The following BRCA1 variants were observed in gnomAD, a reference collection of about 807,000 sequenced individuals.
BRCA1 encodes the protein breast cancer type 1 susceptibility protein.
BRCA1 carries 140 observed loss-of-function variants against 173.7 expected under a neutral mutation model. That is an observed-to-expected ratio of 0.81 (90% CI 0.70 to 0.93). The LOEUF is 0.93. BRCA1 is among the 40% of genes least tolerant of loss of function. BRCA1 has a pLI of 0.00. For missense variants in BRCA1, 1,983 were observed against 2,172.5 expected (o/e 0.91, Z 1.73); for synonymous variants, 662 against 756.0 (o/e 0.88, Z 2.04).
intron 3 of BRCA1, chr17:43,110,439 A>G: frequency 3.3e-6 from 1 of 306,246 alleles, no homozygotes; most frequent in African/African-American, 2.2e-5. Context: ...CACAAAATTT[A>G]GCTGGATATG....
At chr17:43,082,607 G>A (rs778572131) in intron 11 of BRCA1, 32 bp from the exon 12 acceptor site, 1 of 1,608,196 alleles carries the variant, frequency 6.2e-7, no homozygotes, top group Non-Finnish European at 8.5e-7. Flanking sequence ...CCAAGAAAAT[G>A]AAATACTTTG....
chr17:43,083,827 A>C (rs2053122451), intron 11 of BRCA1, among the ~76,000 whole-genome samples: 1 of 152,188 alleles, frequency 6.6e-6, no homozygotes, highest in African/African-American at 2.4e-5. Context: ...TTAGGTATGT[A>C]AGGAGTTTTC....
At chr17:43,115,296 G>A (rs1038941145) in intron 3 of BRCA1, among the ~76,000 whole-genome samples, 1 of 152,164 alleles carries the variant, frequency 6.6e-6, no homozygotes, top group Non-Finnish European at 1.5e-5. Flanking sequence ...AAGGTCAGGA[G>A]TTCGAGACCA....
intron 15 of BRCA1, among the ~76,000 whole-genome samples, chr17:43,069,312 G>A (rs573626625): frequency 6.6e-6 from 1 of 152,334 alleles, no homozygotes; most frequent in Admixed American, 6.5e-5. Flanking sequence ...TTAATCATGT[G>A]TAATACAGTC....
intron 9 of BRCA1, among the ~76,000 whole-genome samples, 153 bp downstream of exon 9, chr17:43,095,693 C>A (rs1244512509): frequency 6.6e-6 from 1 of 152,018 alleles, no homozygotes; most frequent in Non-Finnish European, 1.5e-5. Context: ...TCAGACCATA[C>A]CACGACATTT....
chr17:43,128,464 G>A (rs1055650659), upstream of BRCA1, among the ~76,000 whole-genome samples: 3 of 152,106 alleles, frequency 2.0e-5, no homozygotes, highest in African/African-American at 4.8e-5. Flanking sequence ...GTGAGGGTCC[G>A]CAACTTCATT....
At chr17:43,100,520 G>T (rs1392582844) in intron 6 of BRCA1, among the ~76,000 whole-genome samples, 3 of 77,138 alleles carry the variant, frequency 3.9e-5, no homozygotes, top group Non-Finnish European at 9.5e-5. Context: ...TTGTGTGTGT[G>T]TGTGTATATA....
At position 43,057,114 on chromosome 17, in the gene BRCA1, C is replaced by T. The variant is rs80357283; in HGVS notation, c.5215G>A (p.Asp1739Asn). 1.2e-6 allele frequency: 2 copies of T among 1,614,064 alleles called. No individual in the cohort carries two copies. The highest frequency in any genetic ancestry group is 1.7e-6 in the Non-Finnish European group (2 of 1,179,954). Reference sequence around the variant, plus strand: ...TGGTGGTTTCTTCCATTGACCACATCTCCTCTGACTTCAAAATCATGCTGA... The same window carrying T: ...TGGTGGTTTCTTCCATTGACCACATTTCCTCTGACTTCAAAATCATGCTGA... ...LNEHDFEVRG[D>N]VVNGRNHQGP... Residue 1739 changes from aspartate (D) to asparagine (N), a missense_variant, in exon 19 of 23, where the codon GAT (aspartate) becomes AAT (asparagine). Physicochemically the swap from Asp to Asn is conservative, Grantham distance 23. Coordinates refer to ENST00000357654, the MANE Select transcript of BRCA1 (RefSeq NM_007294.4).
chr17:43,149,784 CTCAG>C (rs1043157153), intron 1 of BRCA1, among the ~76,000 whole-genome samples: 2 of 152,004 alleles, frequency 1.3e-5, no homozygotes, highest in Admixed American at 1.3e-4. Flanking sequence ...GGCCACTACC[CTCAG>C]TTTCTTTTTT....
chr17:43,052,057 C>A (rs1008373822), intron 19 of BRCA1, among the ~76,000 whole-genome samples: 2 of 152,122 alleles, frequency 1.3e-5, no homozygotes, highest in African/African-American at 4.8e-5. Flanking sequence ...CAGGTTCTGC[C>A]TCTCCTCATT....
chr17:43,103,189 G>A (rs1456161864), intron 6 of BRCA1, among the ~76,000 whole-genome samples: 1 of 151,890 alleles, frequency 6.6e-6, no homozygotes, highest in Non-Finnish European at 1.5e-5. Context: ...TTTTTTGGCC[G>A]GGCTTGGTGG....
rs1567794714 is a variant in BRCA1 at position 43,092,853 on chromosome 17, T to C, written c.2678A>G (p.Lys893Arg). Residue 893 changes from lysine to arginine, a missense_variant, in exon 10 of 23, where the codon AAG becomes AGG. By Grantham distance (26) the Lys-to-Arg change is conservative. Transcript: ENST00000357654. ...AAAAGTGACTTTTGGACTTTGTTTC[T>C]TTAAGGACCCAGAGTGGGCAGAGAA... ...ATFSAHSGSL[K>R]KQSPKVTFEC... is the part of the protein sequence containing the mutation. 1.9e-6 allele frequency: 3 copies of C among 1,614,036 alleles called. No individual in the cohort carries two copies. Among genetic ancestry groups the C allele is most frequent in the South Asian group, 2.2e-5 (2 of 91,076 alleles).
intron 1 of BRCA1, chr17:43,144,894 G>A (rs994753047): frequency 3.9e-5 from 21 of 538,792 alleles, no homozygotes; most frequent in Admixed American, 3.7e-4. Flanking sequence ...GCCCAGCTTC[G>A]CGAAGGCTGT....
chr17:43,109,061 T>TCTATCTACCTAC (rs761976435), intron 3 of BRCA1, among the ~76,000 whole-genome samples: 1 of 152,010 alleles, frequency 6.6e-6, no homozygotes, highest in South Asian at 2.1e-4. Flanking sequence ...TACCTACCTA[T>TCTATCTACCTAC]CTATCTGTCT....
At chr17:43,119,000 A>C (rs1373705574) in intron 2 of BRCA1, 3 of 212,382 alleles carry the variant, frequency 1.4e-5, no homozygotes, top group African/African-American at 6.8e-5. Context: ...TCCTGACCTC[A>C]AGTGATCCAT....
intron 1 of BRCA1, among the ~76,000 whole-genome samples, chr17:43,135,114 A>G: frequency 6.6e-6 from 1 of 152,256 alleles, no homozygotes; most frequent in East Asian, 1.9e-4. Context: ...AATGAAGCAC[A>G]AAGGAGAGCC....
chr17:43,089,170 A>G (rs1486936022), intron 11 of BRCA1, among the ~76,000 whole-genome samples: 40 of 152,052 alleles, frequency 2.6e-4, no homozygotes, highest in Non-Finnish European at 1.3e-4. Flanking sequence ...CAAAAAAATG[A>G]GCTGGGTGTG....
chr17:43,044,463 T>C lies in BRCA1; in HGVS notation c.*1215A>G. 3 of 509,218 alleles carry C rather than the reference T, an allele frequency of 5.9e-6. No individual in the cohort carries two copies. Among genetic ancestry groups the C allele is most frequent in the Non-Finnish European group, 7.7e-6 (2 of 260,146 alleles). The allele number at this position is 509,218 out of a possible 1,614,324, so 31.5% of individuals were successfully genotyped here. On this transcript the variant is annotated 3_prime_UTR_variant, in exon 23 of 23. Transcript: ENST00000357654. Reference sequence around the variant, plus strand: ...TGGATAATGGGTTTATGAAAAACACTTTTTCTTCCTTCAGCAAGCAAAATT... The same window carrying C: ...TGGATAATGGGTTTATGAAAAACACCTTTTCTTCCTTCAGCAAGCAAAATT...
At chr17:43,159,065 A>G (rs554081263) in intron 1 of BRCA1, among the ~76,000 whole-genome samples, 11 of 152,256 alleles carry the variant, frequency 7.2e-5, no homozygotes, top group African/African-American at 2.2e-4. Flanking sequence ...GCAAAACCCT[A>G]TATCTACAAA....
Sources: gnomAD v4.1 joint callset for allele counts (sites outside exome capture counted in the v4.1 genomes callset) on GRCh38, gnomAD v4.1.1 for gene constraint, MANE v1.5 for transcripts, NCBI Gene and HGNC (gene_info 2026-07-23, HGNC 2026-07-21) for gene names.